Variants in DRP2 observed in about 807,000 individuals in gnomAD.
The protein encoded by DRP2 is dystrophin related protein 2.
In DRP2, 29 loss-of-function variants were observed where a neutral mutation model predicts 78.2. That is an observed-to-expected ratio of 0.37 (90% CI 0.28 to 0.51). The LOEUF is 0.51. Ranked by LOEUF, DRP2 falls within the 20% of genes least tolerant of loss-of-function variation. The pLI, the probability that DRP2 is intolerant of heterozygous loss-of-function variation, is 0.94. For synonymous variants in DRP2, 290 were observed against 281.9 expected (o/e 1.03, Z -0.29); for missense variants, 686 against 770.6 (o/e 0.89, Z 1.30).
intron 1 of DRP2, among the ~76,000 whole-genome samples, chrX:101,221,517 C>G (rs1415979105): frequency 2.7e-5 from 3 of 112,559 alleles, no homozygotes; most frequent in Non-Finnish European, 5.6e-5. Flanking sequence ...GGCCTCTGTC[C>G]TGTAGTCTTG....
intron 17 of DRP2, among the ~76,000 whole-genome samples, 161 bp downstream of exon 17, chrX:101,252,877 A>G (rs112735843): frequency 1.8e-5 from 2 of 111,806 alleles, no homozygotes; most frequent in African/African-American, 6.5e-5. Flanking sequence ...AGGCCTCTCT[A>G]TTCTTCCAGC....
rs766363243 is a variant in DRP2, at chrX:101,235,939, G to A, written c.197G>A (p.Gly66Glu). The change falls in exon 4 of 24, where the codon GGG becomes GAG. Residue 66 changes from glycine to glutamate, a missense_variant. This residue lies in a region of DRP2 where 263 missense variants were observed against 239.1 expected (regional missense o/e 1.10). Coordinates refer to ENST00000395209, the MANE Select transcript of DRP2 (RefSeq NM_001939.3). ...VPCLSLKLLN[G>E]SVGASGPLEP... ...TGCCTAAGCCTAAAGCTGTTGAACG[G>A]GTCTGTTGGTGCCTCTGGACCCCTG... 7 of 1,211,661 alleles carry A rather than the reference G, an allele frequency of 5.8e-6. No individual in the cohort carries two copies. Among genetic ancestry groups the A allele is most frequent in the Non-Finnish European group, 6.7e-6 (6 of 895,379 alleles).
At chrX:101,232,455 G>A (rs1044985710) in intron 3 of DRP2, among the ~76,000 whole-genome samples, 3 of 111,341 alleles carry the variant, frequency 2.7e-5, no homozygotes, top group Non-Finnish European at 5.7e-5. Context: ...CAGAGACTAT[G>A]GGGGTGTGAG....
At chrX:101,234,783 G>A (rs752192821) in intron 3 of DRP2, among the ~76,000 whole-genome samples, 2 of 110,489 alleles carry the variant, frequency 1.8e-5, no homozygotes, top group South Asian at 8.2e-4. Context: ...TGTGAGCTAT[G>A]GTTTTAATGG....
Position 101,260,768 on chromosome X carries a change from TG to T in DRP2, c.*149del, listed in dbSNP as rs955301790. 7 of 742,640 alleles carry T rather than the reference TG, an allele frequency of 9.4e-6. No homozygotes were observed. Among genetic ancestry groups the T allele is most frequent in the African/African-American group, 2.2e-5 (1 of 46,399 alleles). 61.2% of individuals were successfully genotyped at this position (742,640 alleles called of 1,213,427 possible). On this transcript the variant is annotated 3_prime_UTR_variant, in exon 24 of 24. Transcript: ENST00000395209. ...TGGGCTCTGGGCAGCAGCAGGGATC[TG>T]GTGGTATGTGAGGTGCATGCGGGCA...
rs1405761594 is a variant in DRP2 at position 101,250,593 on chromosome X, C to A, written c.1698+13C>A. On this transcript the variant is annotated intron_variant, in intron 15 of 23. Transcript: ENST00000395209. Reference sequence around the variant, plus strand: ...TTGCTTCCGTTTTGTGAGTATGGAACTGGGGAGTGGGGGAGGGAAGGGAGG... The same window carrying A: ...TTGCTTCCGTTTTGTGAGTATGGAAATGGGGAGTGGGGGAGGGAAGGGAGG... The A allele has an allele frequency of 4.3e-6, 5 of 1,174,852 alleles. No homozygotes were observed. Among genetic ancestry groups the A allele is most frequent in the Non-Finnish European group, 4.6e-6 (4 of 875,778 alleles).
chrX:101,221,348 A>G (rs1464090616), intron 1 of DRP2, among the ~76,000 whole-genome samples: 4 of 112,796 alleles, frequency 3.5e-5, no homozygotes, highest in Non-Finnish European at 7.5e-5. Context: ...GGGAACCACA[A>G]GCCTCAGGTG....
Position 101,241,978 on chromosome X carries a change from C to T in DRP2, c.828+42C>T, listed in dbSNP as rs1401569175. 5 of 1,132,006 alleles carry T rather than the reference C, an allele frequency of 4.4e-6. No individual in the cohort carries two copies. The South Asian group carries it at 1.0e-4, about 23-fold the overall frequency. The allele number at this position is 1,132,006 out of a possible 1,213,427, so 93.3% of individuals were successfully genotyped here. ...CCCTGACTACAGTCTACCCTGAGAC[C>T]TGACACTCTCCCCAGACACTGACAA... is the stretch of plus-strand genomic sequence containing the variant. On this transcript the variant is annotated intron_variant, in intron 7 of 23. Coordinates refer to ENST00000395209, the MANE Select transcript of DRP2 (RefSeq NM_001939.3).
rs780817758 is a variant in DRP2, at chrX:101,258,473, G to T, written c.2555G>T (p.Arg852Leu). Reference protein sequence around the residue: ...LRQHKSRLETRMQILEDHNKQ... With the variant: ...LRQHKSRLETLMQILEDHNKQ... The stretch of plus-strand genomic sequence containing the variant: ...CAACATAAGAGCCGCCTGGAGACGC[G>T]CATGCAGATCCTCGAAGATCACAAC... The change falls in exon 22 of 24, where the codon CGC (arginine) becomes CTC (leucine). Residue 852 changes from arginine to leucine, a missense_variant. Arg to Leu is a moderately radical substitution (Grantham distance 102, BLOSUM62 -2). Around this residue, in one of 2 missense-constraint regions of DRP2, gnomAD observed 423 missense variants for 531.5 expected, o/e 0.80. Transcript: ENST00000395209. 2.5e-6 allele frequency: 3 copies of T among 1,198,420 alleles called. No homozygotes were observed.
intron 6 of DRP2, among the ~76,000 whole-genome samples, chrX:101,240,252 C>T (rs939310210): frequency 3.6e-5 from 4 of 111,530 alleles, no homozygotes; most frequent in Admixed American, 9.5e-5. Flanking sequence ...GAGACAGCCT[C>T]TCACTTCATA....
intron 1 of DRP2, among the ~76,000 whole-genome samples, chrX:101,222,009 C>T (rs1921908904): frequency 8.9e-6 from 1 of 111,798 alleles, no homozygotes; most frequent in Admixed American, 9.5e-5. Flanking sequence ...CTATAGAGCC[C>T]CATCCTGAGA....
intron 20 of DRP2, 136 bp downstream of exon 20, chrX:101,255,385 C>T: frequency 1.6e-6 from 1 of 614,757 alleles, no homozygotes; most frequent in South Asian, 2.8e-5. Context: ...GGAAGGAAGG[C>T]TGCTTTCTGG....
intron 1 of DRP2, among the ~76,000 whole-genome samples, chrX:101,220,396 C>G (rs1433056968): frequency 1.9e-5 from 2 of 104,150 alleles, no homozygotes; most frequent in Non-Finnish European, 3.9e-5. Flanking sequence ...AAGTAGTCAC[C>G]ATTTAGATTC....
intron 3 of DRP2, among the ~76,000 whole-genome samples, chrX:101,232,717 A>G (rs916019564): frequency 1.8e-5 from 2 of 112,162 alleles, no homozygotes; most frequent in African/African-American, 6.5e-5. Flanking sequence ...TGCCTCGAAC[A>G]TATTCTCAAA....
In DRP2 at chrX:101,258,446, G is replaced by A. The variant is rs138692691; in HGVS notation, c.2528G>A (p.Arg843Gln). The A allele has an allele frequency of 5.8e-6, 7 of 1,202,547 alleles. No individual in the cohort carries two copies. The highest frequency in any genetic ancestry group is 6.0e-5 in the East Asian group (2 of 33,538). ...CTTCTGGCCGAGGCCCGTATCCTTC[G>A]GCAACATAAGAGCCGCCTGGAGACG... is the stretch of plus-strand genomic sequence containing the variant. ...EELLAEARILRQHKSRLETRM... is the reference protein window; with the variant it reads ...EELLAEARILQQHKSRLETRM... The change falls in exon 22 of 24, where the codon CGG (arginine) becomes CAG (glutamine). Residue 843 changes from arginine to glutamine, a missense_variant. Transcript: ENST00000395209.
intron 13 of DRP2, 59 bp downstream of exon 13, chrX:101,248,349 G>A: frequency 8.7e-7 from 1 of 1,153,683 alleles, no homozygotes; most frequent in South Asian, 1.8e-5. Context: ...ATCTCAAGTG[G>A]GCCTGGTGGG....
chrX:101,222,657 T>C (rs1302323374), intron 1 of DRP2, among the ~76,000 whole-genome samples: 5 of 112,904 alleles, frequency 4.4e-5, no homozygotes, highest in Non-Finnish European at 7.5e-5. Flanking sequence ...TTGTCAACTT[T>C]CTTTTCAGCA....
intron 21 of DRP2, 119 bp downstream of exon 21, chrX:101,256,380 TC>T: frequency 1.4e-6 from 1 of 707,160 alleles, no homozygotes. Context: ...TATTCTGTAA[TC>T]CTCTATTTCC....
In DRP2 at chrX:101,256,223, G is replaced by A. The variant is rs761835157; in HGVS notation, c.2352G>A (p.Glu784=). ...GTGTGGCCACAGAAAGCAAAGGGGA[G>A]CTACAGAAGATCCTGGCCCACTTGG... ...PCSVATESKG[E]LQKILAHLED... is the part of the protein sequence containing the mutation. Residue 784 remains glutamate, a synonymous_variant, in exon 21 of 24, where the codon GAG becomes GAA. Coordinates refer to ENST00000395209, the MANE Select transcript of DRP2 (RefSeq NM_001939.3). The A allele has an allele frequency of 1.7e-6, 2 of 1,204,581 alleles. No individual in the cohort carries two copies. The highest frequency in any genetic ancestry group is 2.2e-6 in the Non-Finnish European group (2 of 892,580).
Sources: gnomAD v4.1 joint callset for allele counts (sites outside exome capture counted in the v4.1 genomes callset) on GRCh38, gnomAD v4.1.1 for gene constraint, gnomAD v4.1.1 regional missense constraint, MANE v1.5 for transcripts, NCBI Gene and HGNC (gene_info 2026-07-23, HGNC 2026-07-21) for gene names.